CAAP1: variants seen among roughly 807,000 people sequenced by gnomAD.
The protein encoded by CAAP1 is conserved anti-apoptotic protein.
In CAAP1, 20 loss-of-function variants were observed where a neutral mutation model predicts 34.0. The ratio of observed to expected loss-of-function variants is 0.59; its 90% CI spans 0.41 to 0.86. The LOEUF is 0.86. Among genes scored for constraint, CAAP1 ranks in the 40% least tolerant of loss-of-function variants. CAAP1 has a pLI of 0.00. For synonymous variants in CAAP1, 213 were observed against 166.7 expected (o/e 1.28, Z -2.14); for missense variants, 538 against 450.5 (o/e 1.19, Z -1.76).
chr9:26,859,277 C>CAA (rs1822950537), intron 5 of CAAP1, among the ~76,000 whole-genome samples: 2 of 152,146 alleles, frequency 1.3e-5, no homozygotes, highest in Admixed American at 6.5e-5. Flanking sequence ...ACTGGTTTTT[C>CAA]ACATGACTGA....
chr9:26,871,620 G>C (rs1278074680), intron 4 of CAAP1, among the ~76,000 whole-genome samples: 2 of 149,176 alleles, frequency 1.3e-5, no homozygotes, highest in Non-Finnish European at 3.0e-5. Flanking sequence ...TGTTATAATA[G>C]CTCAGCAGAA....
At chr9:26,857,354 G>A (rs1182695879) in intron 5 of CAAP1, among the ~76,000 whole-genome samples, 2 of 152,170 alleles carry the variant, frequency 1.3e-5, no homozygotes, top group Admixed American at 1.3e-4. Context: ...ATTTCTGGCC[G>A]GGTATGGTGG....
chr9:26,892,153 G>C (rs563879903), intron 1 of CAAP1: 10 of 927,348 alleles, frequency 1.1e-5, no homozygotes, highest in Admixed American at 3.2e-5. Flanking sequence ...AACCATAGGA[G>C]TGGAAGGAGC....
Position 26,846,273 on chromosome 9 carries a change from C to T in CAAP1, c.740-3626G>A, listed in dbSNP as rs527320464. On this transcript the variant is annotated intron_variant, in intron 5 of 5. Transcript: ENST00000333916. Reference sequence around the variant, plus strand: ...CTCTACTAAAAATACAAAAATTAGCCGAGCGTGGTGGCGGGTGCCTGTAAT... The same window carrying T: ...CTCTACTAAAAATACAAAAATTAGCTGAGCGTGGTGGCGGGTGCCTGTAAT... 3.3e-3 allele frequency among the ~76,000 whole-genome samples: 508 copies of T among 151,824 alleles called. 2 individuals are homozygous for T. The highest frequency in any genetic ancestry group is 0.01 in the Middle Eastern group (3 of 292).
chr9:26,892,778 C>G lies in CAAP1; in HGVS notation c.-63G>C, dbSNP rs974472259. 3.9e-5 allele frequency: 57 copies of G among 1,479,794 alleles called. No homozygotes were observed. Among genetic ancestry groups the G allele is most frequent in the Non-Finnish European group, 5.1e-5 (57 of 1,111,066 alleles). 91.7% of individuals were successfully genotyped at this position (1,479,794 alleles called of 1,614,324 possible). The stretch of plus-strand genomic sequence containing the variant: ...TCTCTGGTGCGACCGAAGCCCGACT[C>G]CTGCGGCCGTGGGCGGCAGGCACTG... On this transcript the variant is annotated 5_prime_UTR_variant, in exon 1 of 6. Coordinates refer to ENST00000333916, the MANE Select transcript of CAAP1 (RefSeq NM_024828.4).
At chr9:26,886,549 T>C (rs1335538311) in intron 2 of CAAP1, among the ~76,000 whole-genome samples, 1 of 152,208 alleles carries the variant, frequency 6.6e-6, no homozygotes. Flanking sequence ...TTAACTTTAG[T>C]GACCAAGGCC....
intron 3 of CAAP1, among the ~76,000 whole-genome samples, chr9:26,885,544 G>A (rs756547917): frequency 6.6e-6 from 1 of 151,492 alleles, no homozygotes; most frequent in African/African-American, 2.4e-5. Context: ...TCCAATTTTT[G>A]TTTCTTCTTC....
At chr9:26,872,055 A>C (rs1823290460) in intron 4 of CAAP1, among the ~76,000 whole-genome samples, 1 of 152,224 alleles carries the variant, frequency 6.6e-6, no homozygotes, top group Admixed American at 6.5e-5. Context: ...AACAAACAGC[A>C]AGAGTTCTAC....
chr9:26,892,664 C>A lies in CAAP1; in HGVS notation c.52G>T (p.Glu18Ter). Residue 18 changes from glutamate to a stop codon, truncating the protein, a stop_gained, in exon 1 of 6, where the codon GAG becomes TAG. Coordinates refer to ENST00000333916, the MANE Select transcript of CAAP1 (RefSeq NM_024828.4). LOFTEE classifies it high-confidence loss of function. ...REKRRKRSSQ[E>*]AAAALAAPDI... ...GGGGCCGCGAGCGCTGCGGCCGCCT[C>A]CTGACTGCTACGTTTGCGCCGTTTC... The A allele has an allele frequency of 6.2e-7, 1 of 1,607,090 alleles. No homozygotes were observed. The highest frequency in any genetic ancestry group is 1.7e-4 in the Middle Eastern group (1 of 6,054).
At chr9:26,889,867 C>CA (rs1028187218) in intron 1 of CAAP1, among the ~76,000 whole-genome samples, 8,287 of 49,694 alleles carry the variant, frequency 0.17, 820 homozygotes, top group African/African-American at 0.27. Context: ...GACTCTGTCT[C>CA]AAAAAAAAAA....
chr9:26,877,169 A>G (rs767450878), intron 4 of CAAP1, among the ~76,000 whole-genome samples: 13 of 152,218 alleles, frequency 8.5e-5, no homozygotes, highest in Admixed American at 5.2e-4. Flanking sequence ...ATAAATAAAT[A>G]TTGTATAAAA....
chr9:26,875,981 T>G (rs1376408183), intron 4 of CAAP1, among the ~76,000 whole-genome samples: 5 of 152,256 alleles, frequency 3.3e-5, no homozygotes, highest in Admixed American at 3.3e-4. Flanking sequence ...CTATTGCCAC[T>G]CTAATATATT....
At chr9:26,872,208 T>C (rs1823294663) in intron 4 of CAAP1, among the ~76,000 whole-genome samples, 1 of 152,170 alleles carries the variant, frequency 6.6e-6, no homozygotes, top group South Asian at 2.1e-4. Flanking sequence ...AAGCAGTCAT[T>C]AAACCTCCTA....
Position 26,850,624 on chromosome 9 carries a change from C to T in CAAP1, c.740-7977G>A, listed in dbSNP as rs943353236. Among the ~76,000 whole-genome samples, 67 of 152,138 alleles carry T rather than the reference C, an allele frequency of 4.4e-4. 2 individuals are homozygous for T. Among genetic ancestry groups the T allele is most frequent in the African/African-American group, 1.6e-3 (65 of 41,414 alleles). Reference sequence around the variant, plus strand: ...AAAGACTTGAAGCATGAAGCTCTTCCAATAATTTGCCATGTTCTATTGTAC... The same window carrying T: ...AAAGACTTGAAGCATGAAGCTCTTCTAATAATTTGCCATGTTCTATTGTAC... On this transcript the variant is annotated intron_variant, in intron 5 of 5. Transcript: ENST00000333916.
At chr9:26,849,423 T>C (rs555417372) in intron 5 of CAAP1, among the ~76,000 whole-genome samples, 1 of 152,322 alleles carries the variant, frequency 6.6e-6, no homozygotes, top group Admixed American at 6.5e-5. Flanking sequence ...TATCTTCTTG[T>C]TTCTTTGTGT....
At chr9:26,876,729 G>T (rs779958748) in intron 4 of CAAP1, among the ~76,000 whole-genome samples, 18 of 152,122 alleles carry the variant, frequency 1.2e-4, no homozygotes, top group Non-Finnish European at 2.2e-4. Flanking sequence ...TATAGTTTAA[G>T]CATCCCTAAT....
intron 4 of CAAP1, among the ~76,000 whole-genome samples, chr9:26,874,618 G>A (rs576193199): frequency 7.9e-5 from 12 of 152,218 alleles, no homozygotes; most frequent in African/African-American, 2.6e-4. Flanking sequence ...AAGGTATTTA[G>A]AAATGATGGA....
intron 4 of CAAP1, among the ~76,000 whole-genome samples, chr9:26,882,741 C>T (rs1823626097): frequency 6.6e-6 from 1 of 152,166 alleles, no homozygotes; most frequent in Non-Finnish European, 1.5e-5. Flanking sequence ...AGACACTCAA[C>T]ACCAGCATGT....
At chr9:26,860,861 T>G (rs1822987332) in intron 5 of CAAP1, among the ~76,000 whole-genome samples, 1 of 152,164 alleles carries the variant, frequency 6.6e-6, no homozygotes, top group Non-Finnish European at 1.5e-5. Context: ...ATAATTCTGG[T>G]GGCTTCTGTA....
Sources: allele counts gnomAD v4.1 joint callset (sites outside exome capture counted in the v4.1 genomes callset), GRCh38; gene constraint gnomAD v4.1.1; transcripts MANE v1.5; gene names NCBI Gene and HGNC (gene_info 2026-07-23, HGNC 2026-07-21).